The following TAPT1 variants were observed in gnomAD, a reference collection of about 807,000 sequenced individuals.
The protein encoded by TAPT1 is transmembrane anterior posterior transformation 1.
A neutral mutation model predicts 65.6 loss-of-function variants in TAPT1; 28 were observed. That is an observed-to-expected ratio of 0.43 (90% CI 0.32 to 0.59). The LOEUF is 0.59. TAPT1 is among the 20% of genes least tolerant of loss of function. The pLI, the probability that TAPT1 is intolerant of heterozygous loss-of-function variation, is 0.09. For missense variants in TAPT1, 563 were observed against 679.9 expected, an observed-to-expected ratio of 0.83 and a Z score of 1.91; for synonymous variants, 278 against 245.2, an observed-to-expected ratio of 1.13 and a Z score of -1.25.
At chr4:16,213,502 T>C (rs1429029752) in intron 2 of TAPT1, among the ~76,000 whole-genome samples, 1 of 152,164 alleles carries the variant, frequency 6.6e-6, no homozygotes, top group Non-Finnish European at 1.5e-5. Context: ...ATTAATTCCT[T>C]ACAAAAGTTA....
intron 8 of TAPT1, 140 bp downstream of exon 8, chr4:16,179,437 G>A (rs1464355565): frequency 3.7e-6 from 2 of 544,034 alleles, no homozygotes; most frequent in Admixed American, 7.7e-5. Flanking sequence ...AGTGACAGAT[G>A]ATTGTTTCAC....
chr4:16,183,683 A>T (rs916291507), intron 7 of TAPT1, among the ~76,000 whole-genome samples: 5 of 152,022 alleles, frequency 3.3e-5, no homozygotes, highest in African/African-American at 4.8e-5. Flanking sequence ...GAATTAATTT[A>T]AAAAAAACAT....
intron 1 of TAPT1, among the ~76,000 whole-genome samples, chr4:16,224,041 G>T (rs1751408896): frequency 6.6e-6 from 1 of 152,044 alleles, no homozygotes; most frequent in African/African-American, 2.4e-5. Flanking sequence ...GGGGGATCTA[G>T]ATCTCAAGGG....
intron 3 of TAPT1, among the ~76,000 whole-genome samples, chr4:16,195,442 G>T (rs1030194145): frequency 6.6e-6 from 1 of 152,150 alleles, no homozygotes; most frequent in Admixed American, 6.5e-5. Context: ...TGGGCAAAGT[G>T]AAAAACCCAC....
At chr4:16,218,540 C>T (rs1322921131) in intron 1 of TAPT1, among the ~76,000 whole-genome samples, 1 of 152,214 alleles carries the variant, frequency 6.6e-6, no homozygotes, top group Non-Finnish European at 1.5e-5. Context: ...CAGAGGAAGG[C>T]TGTCCTGGTA....
intron 3 of TAPT1, among the ~76,000 whole-genome samples, chr4:16,201,614 T>C (rs1750037011): frequency 6.6e-6 from 1 of 152,174 alleles, no homozygotes. Flanking sequence ...AAAGCCAAAC[T>C]CGCTTTTAAC....
intron 7 of TAPT1, among the ~76,000 whole-genome samples, chr4:16,181,409 T>C (rs1349402123): frequency 6.6e-6 from 1 of 152,234 alleles, no homozygotes; most frequent in Non-Finnish European, 1.5e-5. Context: ...AAGTAACTTT[T>C]GTAAACTCTA....
chr4:16,184,822 A>G (rs908524544), intron 7 of TAPT1, among the ~76,000 whole-genome samples: 3 of 152,156 alleles, frequency 2.0e-5, no homozygotes, highest in African/African-American at 4.8e-5. Context: ...TTGTCCTTTC[A>G]TTATTGATTG....
At chr4:16,169,945 C>T (rs950611745) in intron 12 of TAPT1, among the ~76,000 whole-genome samples, 1 of 152,200 alleles carries the variant, frequency 6.6e-6, no homozygotes, top group African/African-American at 2.4e-5. Flanking sequence ...CCCTCTCAGA[C>T]CACCCCTCCC....
At chr4:16,218,204 G>A (rs1013141663) in intron 1 of TAPT1, among the ~76,000 whole-genome samples, 2 of 152,184 alleles carry the variant, frequency 1.3e-5, no homozygotes, top group East Asian at 3.9e-4. Context: ...AGGAGTTTGA[G>A]ACCAGCCTGT....
intron 7 of TAPT1, among the ~76,000 whole-genome samples, 193 bp from the exon 8 acceptor site, chr4:16,179,850 G>A (rs1309244805): frequency 1.3e-5 from 2 of 151,500 alleles, no homozygotes; most frequent in Non-Finnish European, 1.5e-5. Context: ...GTGCTACCAT[G>A]GTAAGCCATT....
At position 16,170,679 on chromosome 4, in the gene TAPT1, A is replaced by G. The variant is rs1403595650; in HGVS notation, c.1287T>C (p.Tyr429=). Residue 429 remains tyrosine (Y), a synonymous_variant, in exon 12 of 14, where the codon TAT becomes TAC. Coordinates refer to ENST00000405303, the MANE Select transcript of TAPT1 (RefSeq NM_153365.3). ...SSIKVQGILS[Y]ACVILFYFGL... ...CAAAATAGAAGAGTATGACACAGGC[A>G]TAAGACAGGATTCCTTGCACTTTAA... 5 of 1,613,598 alleles carry G rather than the reference A, an allele frequency of 3.1e-6. No homozygotes were observed. The highest frequency in any genetic ancestry group is 4.2e-6 in the Non-Finnish European group (5 of 1,179,698).
chr4:16,226,492 C>T (rs1751576441), upstream of TAPT1: 2 of 1,039,770 alleles, frequency 1.9e-6, no homozygotes, highest in African/African-American at 1.7e-5. Flanking sequence ...CGCCGCCTCC[C>T]TCCAGCCTCT....
At chr4:16,183,959 GT>G (rs1167716343) in intron 7 of TAPT1, among the ~76,000 whole-genome samples, 1 of 152,114 alleles carries the variant, frequency 6.6e-6, no homozygotes, top group African/African-American at 2.4e-5. Context: ...TGTTCTTTTT[GT>G]TCCTTGCTTA....
chr4:16,204,129 C>T (rs1750199398), intron 2 of TAPT1, among the ~76,000 whole-genome samples: 1 of 152,190 alleles, frequency 6.6e-6, no homozygotes, highest in South Asian at 2.1e-4. Context: ...AGAAGCCTTT[C>T]CGTCCTTGCG....
At chr4:16,174,331 G>C (rs918970372) in intron 10 of TAPT1, 59 bp from the exon 11 acceptor site, 2 of 1,426,216 alleles carry the variant, frequency 1.4e-6, no homozygotes, top group Non-Finnish European at 1.9e-6. Flanking sequence ...CATTTTAAAA[G>C]TACTATTCAC....
intron 1 of TAPT1, among the ~76,000 whole-genome samples, chr4:16,219,510 T>C (rs533133105): frequency 7.9e-5 from 12 of 152,242 alleles, no homozygotes; most frequent in African/African-American, 2.2e-4. Flanking sequence ...ATTAGCGCGA[T>C]GCTAATAGGC....
intron 3 of TAPT1, among the ~76,000 whole-genome samples, chr4:16,201,076 G>C (rs982169026): frequency 2.0e-4 from 30 of 152,168 alleles, no homozygotes; most frequent in African/African-American, 7.2e-4. Flanking sequence ...GACAGGAGCT[G>C]AATTTTTATA....
intron 13 of TAPT1, among the ~76,000 whole-genome samples, chr4:16,164,768 C>T (rs951087149): frequency 2.0e-5 from 3 of 152,086 alleles, no homozygotes; most frequent in South Asian, 2.1e-4. Context: ...CAAGAGAACA[C>T]GTACAGGCCC....
Sources: gnomAD v4.1 joint callset for allele counts (sites outside exome capture counted in the v4.1 genomes callset) on GRCh38, gnomAD v4.1.1 for gene constraint, MANE v1.5 for transcripts, NCBI Gene and HGNC (gene_info 2026-07-23, HGNC 2026-07-21) for gene names.